The following TRANK1 variants were observed in gnomAD, a reference collection of about 807,000 sequenced individuals.
The protein encoded by TRANK1 is TPR and ankyrin repeat-containing protein 1.
A neutral mutation model predicts 266.0 loss-of-function variants in TRANK1; 198 were observed. The ratio of observed to expected loss-of-function variants is 0.74; its 90% CI spans 0.66 to 0.84. TRANK1 has a LOEUF of 0.84. TRANK1 is among the 40% of genes least tolerant of loss of function. The probability of loss-of-function intolerance (pLI) is 0.00; values close to 1 mark genes in which losing one functional copy is unlikely to be tolerated. For missense variants in TRANK1, 3,326 were observed against 3,634.6 expected (o/e 0.92, Z 2.18); for synonymous variants, 1,396 against 1,384.1 (o/e 1.01, Z -0.19).
chr3:36,858,463 T>C (rs1296382470), intron 12 of TRANK1, among the ~76,000 whole-genome samples: 1 of 152,184 alleles, frequency 6.6e-6, no homozygotes, highest in African/African-American at 2.4e-5. Context: ...AAATGGAAAG[T>C]ATTTTTCAGC....
chr3:36,850,114 A>G (rs1005757948), intron 15 of TRANK1: 2 of 985,272 alleles, frequency 2.0e-6, no homozygotes, highest in African/African-American at 3.5e-5. Context: ...ACAAGCATAC[A>G]ACTGGTACTT....
At position 36,856,956 on chromosome 3, in the gene TRANK1, C is replaced by G; in HGVS notation, c.2766G>C (p.Glu922Asp). 1 of 1,613,778 alleles carries G rather than the reference C, an allele frequency of 6.2e-7. No homozygotes were observed. Among genetic ancestry groups the G allele is most frequent in the Non-Finnish European group, 8.5e-7 (1 of 1,179,816 alleles). ...SENPEKIIAT[E>D]QNTCAMEKSG... ...ATTTCTCCATTGCACACGTGTTCTG[C>G]TCCGTGGCAATGATCTTCTCAGGGT... is the stretch of plus-strand genomic sequence containing the variant. The change falls in exon 13 of 24, where the codon GAG becomes GAC. Residue 922 changes from glutamate (E) to aspartate (D), a missense_variant. Coordinates refer to ENST00000645898, the MANE Select transcript of TRANK1 (RefSeq NM_001329998.2).
At chr3:36,847,046 T>C (rs960431835) in intron 16 of TRANK1, among the ~76,000 whole-genome samples, 154 bp downstream of exon 16, 8 of 152,108 alleles carry the variant, frequency 5.3e-5, no homozygotes, top group South Asian at 2.1e-4. Flanking sequence ...TTACCAAAAC[T>C]GAGATCCCTG....
intron 17 of TRANK1, 103 bp from the exon 18 acceptor site, chr3:36,842,813 C>G (rs965312587): frequency 9.7e-7 from 1 of 1,028,604 alleles, no homozygotes; most frequent in Admixed American, 2.0e-5. Context: ...ATCAAATTCA[C>G]TTGTTAAAGT....
At chr3:36,874,606 G>A (rs1462935966) in intron 8 of TRANK1, among the ~76,000 whole-genome samples, 2 of 152,172 alleles carry the variant, frequency 1.3e-5, no homozygotes, top group Non-Finnish European at 2.9e-5. Context: ...AGTTACAGCT[G>A]TAAGGATAAC....
chr3:36,924,499 C>T (rs2080260522), intron 1 of TRANK1, among the ~76,000 whole-genome samples: 1 of 152,202 alleles, frequency 6.6e-6, no homozygotes, highest in Non-Finnish European at 1.5e-5. Context: ...AATTCTCAGA[C>T]TCTCAAAAAA....
intron 5 of TRANK1, 27 bp downstream of exon 5, chr3:36,895,613 C>T (rs1399583539): frequency 7.3e-7 from 1 of 1,372,538 alleles, no homozygotes; most frequent in South Asian, 1.3e-5. Flanking sequence ...TGTACTCTCC[C>T]CGTGAGAGCC....
chr3:36,906,720 C>T (rs1254654304), intron 2 of TRANK1, among the ~76,000 whole-genome samples: 1 of 152,172 alleles, frequency 6.6e-6, no homozygotes, highest in Non-Finnish European at 1.5e-5. Flanking sequence ...TACACACCGC[C>T]ACTCAAAGCT....
At position 36,892,202 on chromosome 3, in the gene TRANK1, T is replaced by G. The variant is rs145708001; in HGVS notation, c.775A>C (p.Arg259=). ...GGTGGAAAACTGGGAGAAGACTCACTGGCTTGGATACAGAGTCGCATGAGG... is the reference window on the plus strand; with the variant it reads ...GGTGGAAAACTGGGAGAAGACTCACGGGCTTGGATACAGAGTCGCATGAGG... The part of the protein sequence containing the change: ...HALMRLCIQA[R]ENHLFRWLMD... The change falls in exon 7 of 24, where the codon AGA becomes CGA. Residue 259 remains arginine, a splice_region_variant and synonymous_variant. Coordinates refer to ENST00000645898, the MANE Select transcript of TRANK1 (RefSeq NM_001329998.2). 69 of 1,536,604 alleles carry G rather than the reference T, an allele frequency of 4.5e-5. No homozygotes were observed. The African/African-American group carries it at 8.1e-4, about 18-fold the overall frequency.
intron 4 of TRANK1, among the ~76,000 whole-genome samples, chr3:36,896,933 G>T (rs1254108998): frequency 6.6e-6 from 1 of 152,088 alleles, no homozygotes; most frequent in African/African-American, 2.4e-5. Flanking sequence ...GTCGGAGGTT[G>T]CAGTGAGCAG....
In TRANK1 at chr3:36,865,024, G is replaced by GTTGTTTTT. The variant is rs58393381; in HGVS notation, c.1079-545_1079-544insAAAAACAA. On this transcript the variant is annotated intron_variant, in intron 9 of 23. Transcript: ENST00000645898. ...TTTTGGGGGTTTTTTTGTTTTTTTG[G>GTTGTTTTT]TTTTTTTTTTTTTTTTTTTTTGAGA... Among the ~76,000 whole-genome samples the GTTGTTTTT allele has an allele frequency of 8.9e-4, 107 of 119,784 alleles. 3 individuals carry two copies. Among genetic ancestry groups the GTTGTTTTT allele is most frequent in the East Asian group, 2.6e-3 (10 of 3,910 alleles). 78.6% of individuals were successfully genotyped at this position (119,784 alleles called of 152,430 possible).
At position 36,845,419 on chromosome 3, in the gene TRANK1, T is replaced by C. The variant is rs150402993; in HGVS notation, c.5191+829A>G. 7.9e-5 allele frequency among the ~76,000 whole-genome samples: 12 copies of C among 152,302 alleles called. No homozygotes were observed. The East Asian group carries it at 2.1e-3, about 27-fold the overall frequency. ...AAACAGATTCAGACAACCTGTTAAC[T>C]CAGTAGCTGAACCCTCACAAACCCA... On this transcript the variant is annotated intron_variant, in intron 17 of 23. Coordinates refer to ENST00000645898, the MANE Select transcript of TRANK1 (RefSeq NM_001329998.2).
chr3:36,942,033 C>T (rs1012690861), intron 1 of TRANK1, among the ~76,000 whole-genome samples: 1 of 152,198 alleles, frequency 6.6e-6, no homozygotes, highest in South Asian at 2.1e-4. Flanking sequence ...TTCTTAAAAT[C>T]CTCCTCTTCA....
intron 1 of TRANK1, among the ~76,000 whole-genome samples, chr3:36,923,630 G>C (rs762080151): frequency 7.9e-5 from 12 of 152,188 alleles, no homozygotes; most frequent in Middle Eastern, 6.8e-3. Flanking sequence ...CCTGTAGGGG[G>C]AACTCTCTCT....
chr3:36,871,970 A>G (rs1314583760), intron 9 of TRANK1, among the ~76,000 whole-genome samples: 1 of 152,258 alleles, frequency 6.6e-6, no homozygotes, highest in East Asian at 1.9e-4. Flanking sequence ...TTTCTAGGGA[A>G]GCACATTTAA....
intron 1 of TRANK1, among the ~76,000 whole-genome samples, chr3:36,924,411 C>G (rs906742462): frequency 1.3e-5 from 2 of 152,214 alleles, no homozygotes; most frequent in Admixed American, 6.5e-5. Context: ...GCATGTTTTC[C>G]AGTCCCACCA....
intron 1 of TRANK1, among the ~76,000 whole-genome samples, chr3:36,916,516 T>C (rs1360056539): frequency 6.6e-6 from 1 of 152,162 alleles, no homozygotes; most frequent in Non-Finnish European, 1.5e-5. Context: ...GCCAAGATCG[T>C]GCCACTGCAC....
At chr3:36,945,128 CA>C, upstream of TRANK1, 1 of 356,718 alleles carries the variant, frequency 2.8e-6, no homozygotes, top group Non-Finnish European at 5.0e-6. Flanking sequence ...AGGTGTTTGT[CA>C]TCGCGTTCAA....
rs2079074249 is a variant in TRANK1, at chr3:36,857,480, A to C, written c.2242T>G (p.Ser748Ala). The change falls in exon 13 of 24, where the codon TCT becomes GCT. Residue 748 changes from serine to alanine, a missense_variant. By Grantham distance (99) the Ser-to-Ala change is moderately conservative. Transcript: ENST00000645898. This position sits in a 1 kb window ranked among gnomAD's most constrained non-coding sequence, Gnocchi z 4.3. The part of the protein sequence containing the change: ...VLIQQVEVDP[S>A]FPEDCLQSSE... ...CTCTGAAGACAGTCCTCTGGGAAAGACGGATCCACTTCAACCTGCTGAATC... is the reference window on the plus strand; with the variant it reads ...CTCTGAAGACAGTCCTCTGGGAAAGCCGGATCCACTTCAACCTGCTGAATC... The C allele has an allele frequency of 1.2e-6, 2 of 1,613,788 alleles. No individual in the cohort carries two copies. The highest frequency in any genetic ancestry group is 1.7e-6 in the Non-Finnish European group (2 of 1,179,872).
Sources: allele counts gnomAD v4.1 joint callset (sites outside exome capture counted in the v4.1 genomes callset), GRCh38; gene constraint gnomAD v4.1.1; non-coding constraint Gnocchi (gnomAD v3.1); transcripts MANE v1.5; gene names NCBI Gene and HGNC (gene_info 2026-07-23, HGNC 2026-07-21).